Variants in CADPS2 observed in about 807,000 individuals in gnomAD.
CADPS2 encodes calcium-dependent secretion activator 2.
CADPS2 carries 93 observed loss-of-function variants against 172.5 expected under a neutral mutation model. The observed-to-expected ratio is 0.54, with a 90% CI of 0.46 to 0.64. The LOEUF is 0.64. Ranked by LOEUF, CADPS2 falls within the 30% of genes least tolerant of loss-of-function variation. CADPS2 has a pLI of 0.00. For synonymous variants in CADPS2, 546 were observed against 555.2 expected (o/e 0.98, Z 0.23); for missense variants, 1,420 against 1,565.9 (o/e 0.91, Z 1.57).
intron 4 of CADPS2, among the ~76,000 whole-genome samples, chr7:122,626,936 A>G (rs184203033): frequency 6.6e-6 from 1 of 152,346 alleles, no homozygotes; most frequent in Non-Finnish European, 1.5e-5. Context: ...TACTAAAGTC[A>G]ACATGTCTCT....
At chr7:122,321,164 TTGAC>T (rs1274908160) in intron 29 of CADPS2, among the ~76,000 whole-genome samples, 5 of 151,994 alleles carry the variant, frequency 3.3e-5, no homozygotes, top group African/African-American at 4.8e-5. Context: ...GATTGATTGA[TTGAC>T]TGATTGATTG....
intron 2 of CADPS2, among the ~76,000 whole-genome samples, chr7:122,715,057 C>G (rs890441799): frequency 6.6e-6 from 1 of 152,144 alleles, no homozygotes; most frequent in African/African-American, 2.4e-5. Context: ...GCCTCCACAA[C>G]TGTGAGAGAA....
At chr7:122,743,753 A>G (rs920114738) in intron 1 of CADPS2, among the ~76,000 whole-genome samples, 2 of 152,232 alleles carry the variant, frequency 1.3e-5, no homozygotes, top group African/African-American at 4.8e-5. Context: ...GGAAAACGCT[A>G]AAGGATCAGT....
chr7:122,383,968 A>G (rs1193235350), intron 24 of CADPS2, among the ~76,000 whole-genome samples: 1 of 152,060 alleles, frequency 6.6e-6, no homozygotes, highest in African/African-American at 2.4e-5. Flanking sequence ...GGGACCATGG[A>G]ATGAAGTGGT....
intron 17 of CADPS2, among the ~76,000 whole-genome samples, chr7:122,418,045 G>A (rs944627407): frequency 4.6e-5 from 7 of 151,856 alleles, no homozygotes; most frequent in Non-Finnish European, 8.8e-5. Flanking sequence ...TGGTGGGCAC[G>A]TGTAATCTCA....
At chr7:122,527,374 G>C (rs934401050) in intron 8 of CADPS2, among the ~76,000 whole-genome samples, 1 of 148,482 alleles carries the variant, frequency 6.7e-6, no homozygotes, top group African/African-American at 2.5e-5. Flanking sequence ...TATGTCTAAA[G>C]ATCTCAAAAT....
At chr7:122,546,842 C>G (rs1057485657) in intron 8 of CADPS2, among the ~76,000 whole-genome samples, 2 of 151,950 alleles carry the variant, frequency 1.3e-5, no homozygotes, top group African/African-American at 4.8e-5. Flanking sequence ...AACACTGGTT[C>G]CTTGTATATT....
chr7:122,678,898 G>T (rs941829307), intron 2 of CADPS2, among the ~76,000 whole-genome samples: 1 of 152,000 alleles, frequency 6.6e-6, no homozygotes, highest in South Asian at 2.1e-4. Context: ...AAGATTTCAT[G>T]GACATTTAAC....
chr7:122,500,106 T>G (rs2059074904), intron 9 of CADPS2, among the ~76,000 whole-genome samples: 1 of 152,182 alleles, frequency 6.6e-6, no homozygotes, highest in Admixed American at 6.5e-5. Context: ...TCACCTGAAC[T>G]GCCAAGCAGA....
At position 122,438,331 on chromosome 7, in the gene CADPS2, C is replaced by T. The variant is rs2050915408; in HGVS notation, c.2476+10G>A. The T allele has an allele frequency of 6.2e-7, 1 of 1,612,568 alleles. No individual in the cohort carries two copies. The highest frequency in any genetic ancestry group is 1.3e-5 in the African/African-American group (1 of 74,858). On this transcript the variant is annotated intron_variant, in intron 17 of 29. Transcript: ENST00000449022. ...TCACTGCCACTTCGACAATTGCTCA[C>T]TGCACTGACCTTCTATTTTGGCATA...
chr7:122,665,515 G>A (rs1056876430), intron 2 of CADPS2, among the ~76,000 whole-genome samples: 2 of 152,148 alleles, frequency 1.3e-5, no homozygotes, highest in Non-Finnish European at 2.9e-5. Flanking sequence ...TGTCAAAAAT[G>A]CATTTAATAC....
intron 1 of CADPS2, among the ~76,000 whole-genome samples, chr7:122,844,051 G>C (rs1811299490): frequency 6.6e-6 from 1 of 152,232 alleles, no homozygotes; most frequent in Admixed American, 6.5e-5. Flanking sequence ...TGGGCACCAA[G>C]GTGAGCACAG....
intron 6 of CADPS2, among the ~76,000 whole-genome samples, chr7:122,609,429 A>C (rs935893512): frequency 6.6e-6 from 1 of 152,154 alleles, no homozygotes; most frequent in Non-Finnish European, 1.5e-5. Context: ...ATTCATACAA[A>C]ACTTTTCCTG....
chr7:122,490,302 CA>C (rs1287930961), intron 10 of CADPS2, 21 bp from the exon 11 acceptor site: 1 of 1,605,460 alleles, frequency 6.2e-7, no homozygotes, highest in Non-Finnish European at 8.5e-7. Context: ...AACAAAAAGA[CA>C]TCATTAAAAA....
chr7:122,513,832 G>T (rs2060165965), intron 8 of CADPS2, among the ~76,000 whole-genome samples: 1 of 152,162 alleles, frequency 6.6e-6, no homozygotes, highest in African/African-American at 2.4e-5. Context: ...GGATGGATTT[G>T]CTGATTTCTA....
intron 5 of CADPS2, among the ~76,000 whole-genome samples, chr7:122,621,070 T>C (rs758020684): frequency 1.4e-4 from 21 of 151,762 alleles, no homozygotes; most frequent in Non-Finnish European, 3.1e-4. Context: ...CATGACTGGA[T>C]AATTTTTTTT....
chr7:122,622,516 T>G (rs1046186574), intron 4 of CADPS2, among the ~76,000 whole-genome samples: 12 of 152,208 alleles, frequency 7.9e-5, no homozygotes, highest in African/African-American at 2.9e-4. Flanking sequence ...TATTGATATT[T>G]AGATGGTGCC....
intron 3 of CADPS2, among the ~76,000 whole-genome samples, chr7:122,655,679 T>C (rs1170420675): frequency 6.6e-6 from 1 of 152,072 alleles, no homozygotes; most frequent in African/African-American, 2.4e-5. Context: ...ACCCACAATA[T>C]CTCCAAGGTA....
At chr7:122,481,261 G>C (rs574626127) in intron 11 of CADPS2, among the ~76,000 whole-genome samples, 1 of 150,386 alleles carries the variant, frequency 6.6e-6, no homozygotes, top group South Asian at 2.1e-4. Context: ...TGCCTCCCAG[G>C]TTCACGTCAG....
Sources: allele counts gnomAD v4.1 joint callset (sites outside exome capture counted in the v4.1 genomes callset), GRCh38; gene constraint gnomAD v4.1.1; transcripts MANE v1.5; gene names NCBI Gene and HGNC (gene_info 2026-07-23, HGNC 2026-07-21).